CCDC30: variants seen among roughly 807,000 people sequenced by gnomAD.
CCDC30 encodes the protein coiled-coil domain-containing protein 30.
CCDC30 carries 70 observed loss-of-function variants against 100.2 expected under a neutral mutation model. The ratio of observed to expected loss-of-function variants is 0.70; its 90% CI spans 0.58 to 0.85. The LOEUF is 0.85. CCDC30 is among the 40% of genes least tolerant of loss of function. CCDC30 has a pLI of 0.00. For synonymous variants in CCDC30, 233 were observed against 269.5 expected (o/e 0.86, Z 1.33); for missense variants, 652 against 771.2 (o/e 0.85, Z 1.83).
intron 6 of CCDC30, among the ~76,000 whole-genome samples, chr1:42,522,170 T>C (rs1474936130): frequency 6.6e-6 from 1 of 152,186 alleles, no homozygotes; most frequent in Non-Finnish European, 1.5e-5. Flanking sequence ...CATTTTTATT[T>C]GCATTTTATT....
intron 6 of CCDC30, among the ~76,000 whole-genome samples, chr1:42,517,600 G>A (rs1042064961): frequency 1.3e-5 from 2 of 151,768 alleles, no homozygotes; most frequent in African/African-American, 4.8e-5. Context: ...TTTGTGAATA[G>A]TGTAAGGTAA....
At chr1:42,495,782 T>C (rs1281909516) in intron 4 of CCDC30, among the ~76,000 whole-genome samples, 1 of 152,166 alleles carries the variant, frequency 6.6e-6, no homozygotes, top group Admixed American at 6.5e-5. Context: ...TGAATTCTAA[T>C]AAGAGGAATT....
At chr1:42,567,950 AAG>A (rs1157466296) in intron 7 of CCDC30, among the ~76,000 whole-genome samples, 22 of 151,460 alleles carry the variant, frequency 1.5e-4, no homozygotes, top group South Asian at 4.1e-4. Context: ...TTTAAAAAAA[AAG>A]AGAGAGAGAA....
intron 10 of CCDC30, among the ~76,000 whole-genome samples, chr1:42,602,183 A>G (rs1431837333): frequency 6.6e-6 from 1 of 152,072 alleles, no homozygotes; most frequent in Non-Finnish European, 1.5e-5. Context: ...GAAAATTACA[A>G]AAAGAAGAGC....
chr1:42,572,428 G>A (rs1645751552), intron 7 of CCDC30, among the ~76,000 whole-genome samples: 1 of 151,798 alleles, frequency 6.6e-6, no homozygotes, highest in South Asian at 2.1e-4. Context: ...TATCAGGTAT[G>A]TATTATAAAC....
intron 8 of CCDC30, 61 bp downstream of exon 12, chr1:42,577,290 C>A: frequency 1.8e-6 from 2 of 1,097,886 alleles, no homozygotes; most frequent in Non-Finnish European, 1.3e-6. Flanking sequence ...AATCTTATTT[C>A]CCTGAGGATT....
chr1:42,590,080 G>A (rs1365576196), intron 10 of CCDC30: 1 of 152,080 alleles, frequency 6.6e-6, no homozygotes, highest in African/African-American at 2.4e-5. Context: ...ATGAATTATT[G>A]CGAGATCTAG....
At chr1:42,540,754 T>A (rs1195669364) in intron 6 of CCDC30, among the ~76,000 whole-genome samples, 1 of 152,118 alleles carries the variant, frequency 6.6e-6, no homozygotes, top group African/African-American at 2.4e-5. Flanking sequence ...CTTAAATATT[T>A]CCATGTGGGT....
At chr1:42,604,741 A>G (rs578044643) in intron 10 of CCDC30, among the ~76,000 whole-genome samples, 1 of 152,142 alleles carries the variant, frequency 6.6e-6, no homozygotes, top group South Asian at 2.1e-4. Flanking sequence ...CTCTTAGGGG[A>G]ATGTTTGGAA....
chr1:42,624,828 A>G lies in CCDC30; in HGVS notation c.1278-12409A>G, dbSNP rs138562706. ...ATTTTTGTGTCAATATTCATCAGTG[A>G]TAGTGGCCTGCAGTTTTCTTTTTTG... On this transcript the variant is annotated intron_variant, in intron 11 of 16. Coordinates refer to ENST00000668663, the Ensembl canonical transcript of CCDC30. 1.2e-3 allele frequency among the ~76,000 whole-genome samples: 184 copies of G among 152,196 alleles called. 1 individual carries two copies. Among genetic ancestry groups the G allele is most frequent in the African/African-American group, 4.3e-3 (179 of 41,536 alleles).
chr1:42,457,446 C>T, the CCDC30 span: 8 of 1,056,212 alleles, frequency 7.6e-6, no homozygotes, highest in African/African-American at 1.6e-5. Context: ...CATCTGTATT[C>T]GCTAGGCACA....
At chr1:42,586,924 T>C (rs1646082092) in intron 9 of CCDC30, among the ~76,000 whole-genome samples, 1 of 152,196 alleles carries the variant, frequency 6.6e-6, no homozygotes, top group African/African-American at 2.4e-5. Context: ...GTTAGTCTTT[T>C]ATTTTTCAAA....
intron 6 of CCDC30, chr1:42,537,486 C>T: frequency 2.9e-6 from 1 of 347,134 alleles, no homozygotes; most frequent in Middle Eastern, 1.1e-3. Flanking sequence ...TTTGTCTAAG[C>T]CTTTCTAATC....
At chr1:42,609,462 G>T (rs745626464) in intron 10 of CCDC30, among the ~76,000 whole-genome samples, 1 of 152,118 alleles carries the variant, frequency 6.6e-6, no homozygotes, top group Non-Finnish European at 1.5e-5. Flanking sequence ...TCAACTGTGT[G>T]GGGGGTCAGT....
intron 15 of CCDC30, among the ~76,000 whole-genome samples, chr1:42,652,174 G>A (rs995508061): frequency 2.0e-5 from 3 of 152,146 alleles, no homozygotes; most frequent in Admixed American, 1.3e-4. Context: ...AACAACATTG[G>A]TGAACCTGGA....
intron 6 of CCDC30, among the ~76,000 whole-genome samples, chr1:42,514,889 G>A (rs1226201674): frequency 1.3e-5 from 2 of 152,140 alleles, no homozygotes; most frequent in East Asian, 3.9e-4. Context: ...CTGACCTCAG[G>A]TGATCCACAC....
At chr1:42,648,507 A>G (rs1046212150) in intron 15 of CCDC30, among the ~76,000 whole-genome samples, 1 of 152,046 alleles carries the variant, frequency 6.6e-6, no homozygotes, top group Non-Finnish European at 1.5e-5. Flanking sequence ...TGTCTCTACT[A>G]AAAATACAAA....
chr1:42,489,979 G>A lies in CCDC30; in HGVS notation c.170-179G>A, dbSNP rs1043668653. 8.7e-5 allele frequency: 27 copies of A among 310,864 alleles called. 2 individuals carry two copies. In the Middle Eastern group the frequency reaches 3.4e-3, roughly 39 times the overall value. The allele number at this position is 310,864 out of a possible 1,614,324, so 19.3% of individuals were successfully genotyped here. On this transcript the variant is annotated intron_variant, in intron 3 of 16. Transcript: ENST00000668663. ...TCAGGGATAGGGCTAAATATAGGGTGCAGTAGGAACTCTAAGAGAGAAGTC... is the reference window on the plus strand; with the variant it reads ...TCAGGGATAGGGCTAAATATAGGGTACAGTAGGAACTCTAAGAGAGAAGTC...
intron 11 of CCDC30, among the ~76,000 whole-genome samples, chr1:42,632,858 T>C (rs1647066769): frequency 6.6e-6 from 1 of 152,036 alleles, no homozygotes; most frequent in Non-Finnish European, 1.5e-5. Flanking sequence ...TTGCTCAGGC[T>C]GGAATGCAGT....
Sources: gnomAD v4.1 joint callset for allele counts (sites outside exome capture counted in the v4.1 genomes callset) on GRCh38, gnomAD v4.1.1 for gene constraint, MANE v1.5 for transcripts, NCBI Gene and HGNC (gene_info 2026-07-23, HGNC 2026-07-21) for gene names.